Variants in RIT2 observed in about 807,000 individuals in gnomAD.
RIT2 encodes Ras like without CAAX 2, also known as GTP-binding protein Rit2.
In RIT2, 24 loss-of-function variants were observed where a neutral mutation model predicts 23.7. That is an observed-to-expected ratio of 1.01 (90% CI 0.73 to 1.43). RIT2 has a LOEUF of 1.43. Ranked by LOEUF, RIT2 falls within the 40% of genes most tolerant of loss-of-function variation. The probability of loss-of-function intolerance (pLI) is 0.00; values close to 1 mark genes in which losing one functional copy is unlikely to be tolerated. For missense variants in RIT2, 236 were observed against 266.9 expected, an observed-to-expected ratio of 0.88 and a Z score of 0.81; for synonymous variants, 107 against 91.1, an observed-to-expected ratio of 1.17 and a Z score of -0.99.
chr18:42,988,809 T>A (rs1910773526), intron 2 of RIT2, among the ~76,000 whole-genome samples: 2 of 152,084 alleles, frequency 1.3e-5, no homozygotes, highest in South Asian at 4.1e-4. Flanking sequence ...TGCTAATAGA[T>A]TTAAGAGCAG....
chr18:42,882,586 T>A (rs895880367), intron 4 of RIT2, among the ~76,000 whole-genome samples: 27 of 152,188 alleles, frequency 1.8e-4, no homozygotes, highest in Admixed American at 1.4e-3. Flanking sequence ...GAATTTTTCA[T>A]GTTAGCATAA....
chr18:42,795,641 C>T (rs768096048), intron 4 of RIT2, among the ~76,000 whole-genome samples: 4 of 152,252 alleles, frequency 2.6e-5, no homozygotes, highest in Non-Finnish European at 5.9e-5. Flanking sequence ...TGGCAGGCAG[C>T]TCCACCTGCA....
chr18:42,866,569 A>T (rs1438577289), intron 4 of RIT2, among the ~76,000 whole-genome samples: 2 of 151,452 alleles, frequency 1.3e-5, no homozygotes, highest in Non-Finnish European at 2.9e-5. Context: ...GCTAGGTCTT[A>T]TGCCCTTGGG....
At chr18:42,854,704 T>G (rs1907138610) in intron 4 of RIT2, among the ~76,000 whole-genome samples, 1 of 152,198 alleles carries the variant, frequency 6.6e-6, no homozygotes, top group Non-Finnish European at 1.5e-5. Flanking sequence ...TAGAAAATAT[T>G]TGCTCCAAGA....
At chr18:42,907,818 A>C (rs1908662155) in intron 4 of RIT2, among the ~76,000 whole-genome samples, 2 of 152,114 alleles carry the variant, frequency 1.3e-5, no homozygotes, top group Non-Finnish European at 2.9e-5. Flanking sequence ...CTGTCTCTAT[A>C]AAAATTTTAA....
intron 2 of RIT2, among the ~76,000 whole-genome samples, chr18:42,990,164 C>T (rs569357157): frequency 1.7e-3 from 263 of 151,998 alleles, no homozygotes; most frequent in African/African-American, 5.8e-3. Flanking sequence ...ATTTGAAGGC[C>T]TGAGAATCAA....
intron 4 of RIT2, among the ~76,000 whole-genome samples, chr18:42,898,569 C>A (rs1908392972): frequency 6.6e-6 from 1 of 152,102 alleles, no homozygotes; most frequent in Non-Finnish European, 1.5e-5. Context: ...GAGTGACAAG[C>A]ACTAAAATAA....
At chr18:43,101,915 T>TA (rs1400266761) in intron 1 of RIT2, among the ~76,000 whole-genome samples, 1 of 152,166 alleles carries the variant, frequency 6.6e-6, no homozygotes, top group Non-Finnish European at 1.5e-5. Context: ...GGTAGCTAGC[T>TA]AAACAAAAAA....
At chr18:43,016,422 C>G (rs1280175258) in intron 2 of RIT2, among the ~76,000 whole-genome samples, 1 of 151,716 alleles carries the variant, frequency 6.6e-6, no homozygotes, top group Non-Finnish European at 1.5e-5. Flanking sequence ...GAAAAAAAGG[C>G]TCAGATTGGA....
intron 4 of RIT2, among the ~76,000 whole-genome samples, chr18:42,747,539 A>C (rs1912946875): frequency 6.6e-6 from 1 of 152,088 alleles, no homozygotes; most frequent in Non-Finnish European, 1.5e-5. Flanking sequence ...GAACTAGAAA[A>C]AACAATCCTA....
intron 2 of RIT2, among the ~76,000 whole-genome samples, chr18:42,974,748 A>T (rs1395613035): frequency 6.6e-6 from 1 of 152,122 alleles, no homozygotes; most frequent in African/African-American, 2.4e-5. Flanking sequence ...AAAATAAGAT[A>T]TGTTTCTATC....
At chr18:43,087,241 C>CA (rs914114273) in intron 1 of RIT2, among the ~76,000 whole-genome samples, 12 of 150,568 alleles carry the variant, frequency 8.0e-5, no homozygotes, top group African/African-American at 1.2e-4. Flanking sequence ...GACTCTGTCT[C>CA]AAAAAAAATA....
chr18:42,941,692 A>AAAT lies in RIT2; in HGVS notation c.235-17930_235-17929insATT, dbSNP rs1909603821. Among the ~76,000 whole-genome samples the AAAT allele has an allele frequency of 5.3e-5, 8 of 152,272 alleles. 1 individual carries two copies. In the South Asian group the frequency reaches 1.7e-3, roughly 32 times the overall value. On this transcript the variant is annotated intron_variant, in intron 3 of 4. Coordinates refer to ENST00000326695, the MANE Select transcript of RIT2 (RefSeq NM_002930.4). Reference sequence around the variant, plus strand: ...ACTTTAATGTATTAATATTTGCTTTAATATCTAACATGATATATTTAAGTA... The same window carrying AAAT: ...ACTTTAATGTATTAATATTTGCTTTAAATATATCTAACATGATATATTTAAGTA...
chr18:42,769,017 G>A (rs1175335408), intron 4 of RIT2, among the ~76,000 whole-genome samples: 1 of 152,182 alleles, frequency 6.6e-6, no homozygotes, highest in African/African-American at 2.4e-5. Flanking sequence ...AATGCTGGTT[G>A]TGTGATTAGC....
Position 42,878,217 on chromosome 18 carries a change from C to G in RIT2, c.426+45355G>C, listed in dbSNP as rs1357752096. On this transcript the variant is annotated intron_variant, in intron 4 of 4. Transcript: ENST00000326695. The stretch of plus-strand genomic sequence containing the variant: ...TGTATAACTTTTGACTCTCTAAAAA[C>G]TTAACTAATAGCCTGCTATTGACCA... Among the ~76,000 whole-genome samples, 4 of 151,314 alleles carry G rather than the reference C, an allele frequency of 2.6e-5. No homozygotes were observed. The East Asian group carries it at 7.8e-4, about 29-fold the overall frequency.
chr18:42,819,303 T>C (rs1219617043), intron 4 of RIT2, among the ~76,000 whole-genome samples: 1 of 152,068 alleles, frequency 6.6e-6, no homozygotes, highest in Non-Finnish European at 1.5e-5. Context: ...CACTTAATGC[T>C]GAAAACTCTT....
intron 1 of RIT2, among the ~76,000 whole-genome samples, chr18:43,102,442 AC>A (rs202048708): frequency 3.0e-5 from 4 of 135,446 alleles, no homozygotes; most frequent in African/African-American, 5.5e-5. Flanking sequence ...CCCTCAGGAA[AC>A]CCTTTTTTTT....
intron 1 of RIT2, among the ~76,000 whole-genome samples, chr18:43,058,656 A>T (rs147315668): frequency 1.0e-3 from 152 of 152,128 alleles, no homozygotes; most frequent in Middle Eastern, 6.8e-3. Context: ...GGAGGCCAAG[A>T]TGGGCAGCTT....
chr18:43,110,095 T>G (rs1332430732), intron 1 of RIT2, among the ~76,000 whole-genome samples: 2 of 152,160 alleles, frequency 1.3e-5, no homozygotes, highest in African/African-American at 4.8e-5. Flanking sequence ...ATAATCAGAA[T>G]AAGTAAAATG....
Sources: allele counts gnomAD v4.1 joint callset (sites outside exome capture counted in the v4.1 genomes callset), GRCh38; gene constraint gnomAD v4.1.1; transcripts MANE v1.5; gene names NCBI Gene and HGNC (gene_info 2026-07-23, HGNC 2026-07-21).